AP2A1: variants seen among roughly 807,000 people sequenced by gnomAD.
AP2A1 encodes the protein AP-2 complex subunit alpha-1.
Under a neutral mutation model 107.3 loss-of-function variants are expected in AP2A1, and 21 were observed. That is an observed-to-expected ratio of 0.20 (90% CI 0.14 to 0.28). The LOEUF (loss-of-function observed/expected upper bound fraction) is 0.28. AP2A1 is among the 10% of genes least tolerant of loss of function. The pLI is 1.00. For synonymous variants in AP2A1, 602 were observed against 564.8 expected (o/e 1.07, Z -0.93); for missense variants, 873 against 1,307.7 (o/e 0.67, Z 5.13).
chr19:49,784,357 G>A lies in AP2A1; in HGVS notation c.473+1633G>A, dbSNP rs563783448. 4.6e-5 allele frequency among the ~76,000 whole-genome samples: 7 copies of A among 152,056 alleles called. No individual in the cohort carries two copies. The South Asian group carries it at 1.2e-3, about 27-fold the overall frequency. ...CAGGACAGGAGAATCACTTGAACCC[G>A]GGAGGCAGAGGTTGCAGTGAGCCGA... On this transcript the variant is annotated intron_variant, in intron 4 of 22. Coordinates refer to ENST00000354293, the MANE Select transcript of AP2A1 (RefSeq NM_130787.3).
Position 49,802,932 on chromosome 19 carries a change from C to G in AP2A1, c.2115-17C>G, listed in dbSNP as rs1489529403. ...CCACCAAGTTCCTTCCCATCTCACT[C>G]TGCTCCATGCCTCCAGCCCAGGTCC... On this transcript the variant is annotated splice_polypyrimidine_tract_variant and intron_variant, in intron 15 of 22. Coordinates refer to ENST00000354293, the MANE Select transcript of AP2A1 (RefSeq NM_130787.3). 2 of 1,611,000 alleles carry G rather than the reference C, an allele frequency of 1.2e-6. No homozygotes were observed. Among genetic ancestry groups the G allele is most frequent in the African/African-American group, 2.7e-5 (2 of 74,820 alleles).
intron 18 of AP2A1, chr19:49,805,249 G>A: frequency 1.8e-6 from 1 of 551,468 alleles, no homozygotes; most frequent in Non-Finnish European, 3.1e-6. Context: ...ATTGTGGAAG[G>A]CCAAAGGAGG....
In AP2A1 at chr19:49,800,202, G is replaced by C. The variant is rs140072315; in HGVS notation, c.1455+52G>C. The stretch of plus-strand genomic sequence containing the variant: ...GACCCCACGACAGGACCTAGAGGCA[G>C]AGCAAGGATGGCCGGGGCCGTGGCG... On this transcript the variant is annotated intron_variant, in intron 11 of 22. Transcript: ENST00000354293. 7,880 of 1,544,298 alleles carry C rather than the reference G, an allele frequency of 5.1e-3. 30 individuals are homozygous for C. Among genetic ancestry groups the C allele is most frequent in the Non-Finnish European group, 6.4e-3 (7,310 of 1,136,594 alleles).
At chr19:49,792,419 T>C (rs1600231660) in intron 5 of AP2A1, among the ~76,000 whole-genome samples, 1 of 149,698 alleles carries the variant, frequency 6.7e-6, no homozygotes, top group African/African-American at 2.5e-5. Flanking sequence ...TCAGCCCTGA[T>C]CCCCCTGGAT....
At chr19:49,798,396 A>G (rs7251269) in intron 7 of AP2A1, among the ~76,000 whole-genome samples, 77,891 of 151,914 alleles carry the variant, frequency 0.51, 20,227 homozygotes, top group South Asian at 0.63. Flanking sequence ...GGGGCTGCTC[A>G]GCACTCACAC....
chr19:49,786,613 G>A (rs2084740302), intron 4 of AP2A1, among the ~76,000 whole-genome samples: 1 of 152,224 alleles, frequency 6.6e-6, no homozygotes, highest in Non-Finnish European at 1.5e-5. Flanking sequence ...TGGGAGTCAT[G>A]ATCAGGGGTG....
chr19:49,781,679 G>T, intron 1 of AP2A1, 78 bp from the exon 2 acceptor site: 1 of 1,422,752 alleles, frequency 7.0e-7, no homozygotes, highest in Non-Finnish European at 9.7e-7. Context: ...CTGCTGGGTG[G>T]GGCCGCGCCT....
intron 4 of AP2A1, among the ~76,000 whole-genome samples, chr19:49,790,637 T>G (rs1018218058): frequency 1.3e-5 from 2 of 152,144 alleles, no homozygotes; most frequent in Non-Finnish European, 1.5e-5. Flanking sequence ...TGGGCTCAAG[T>G]GATTCTCCCA....
rs1372261234 is a variant in AP2A1, at chr19:49,805,366, G to A, written c.2345-87G>A. On this transcript the variant is annotated intron_variant, in intron 18 of 22. Coordinates refer to ENST00000354293, the MANE Select transcript of AP2A1 (RefSeq NM_130787.3). ...GGGGTCCCTCAAAGACCTGCAGGCG[G>A]GAGCTGCCGGGAGCTCTGGGGTTCC... 6 of 1,406,910 alleles carry A rather than the reference G, an allele frequency of 4.3e-6. No homozygotes were observed. In the African/African-American group the frequency reaches 7.3e-5, roughly 17 times the overall value. The allele number at this position is 1,406,910 out of a possible 1,614,324, so 87.2% of individuals were successfully genotyped here.
At chr19:49,772,138 A>T (rs993243961) in intron 1 of AP2A1, among the ~76,000 whole-genome samples, 1 of 148,712 alleles carries the variant, frequency 6.7e-6, no homozygotes, top group African/African-American at 2.5e-5. Context: ...GCTCGCTGCA[A>T]CCTCCTCCTC....
At chr19:49,789,398 C>G (rs1600228833) in intron 4 of AP2A1, among the ~76,000 whole-genome samples, 1 of 152,148 alleles carries the variant, frequency 6.6e-6, no homozygotes, top group African/African-American at 2.4e-5. Context: ...TCAAGCGATT[C>G]TCCTGCCCCA....
chr19:49,806,882 G>A lies in AP2A1; in HGVS notation c.*124G>A. 1.9e-6 allele frequency: 3 copies of A among 1,559,222 alleles called. No homozygotes were observed. Among genetic ancestry groups the A allele is most frequent in the Non-Finnish European group, 2.6e-6 (3 of 1,156,812 alleles). On this transcript the variant is annotated 3_prime_UTR_variant, in exon 23 of 23. Coordinates refer to ENST00000354293, the MANE Select transcript of AP2A1 (RefSeq NM_130787.3). Reference sequence around the variant, plus strand: ...ACACCAGGGTTTGGGGGATGCCTGGGACTTTCCTCCGGCCTTTTGTATTTT... The same window carrying A: ...ACACCAGGGTTTGGGGGATGCCTGGAACTTTCCTCCGGCCTTTTGTATTTT...
At chr19:49,776,863 T>G (rs1319225727) in intron 1 of AP2A1, among the ~76,000 whole-genome samples, 5 of 152,196 alleles carry the variant, frequency 3.3e-5, no homozygotes, top group African/African-American at 4.8e-5. Flanking sequence ...CTCTCTGAAT[T>G]CCTTTTTTTA....
At chr19:49,781,649 G>T (rs2084676723) in intron 1 of AP2A1, 108 bp from the exon 2 acceptor site, 3 of 1,153,560 alleles carry the variant, frequency 2.6e-6, no homozygotes, top group African/African-American at 1.5e-5. Context: ...GGGCTTGGGG[G>T]CGGAGAAGAT....
chr19:49,790,442 T>A (rs2073127622), intron 4 of AP2A1, among the ~76,000 whole-genome samples: 1 of 152,206 alleles, frequency 6.6e-6, no homozygotes. Flanking sequence ...CTTTTTTTTG[T>A]TTGGAGACAG....
intron 21 of AP2A1, 74 bp downstream of exon 21, chr19:49,806,015 A>T: frequency 6.2e-7 from 1 of 1,611,852 alleles, no homozygotes; most frequent in Non-Finnish European, 8.5e-7. Context: ...CCATCTGTAA[A>T]GTGGGGCCAA....
At chr19:49,769,595 A>G (rs563864557) in intron 1 of AP2A1, among the ~76,000 whole-genome samples, 2 of 151,598 alleles carry the variant, frequency 1.3e-5, no homozygotes, top group South Asian at 4.2e-4. Flanking sequence ...GTGGGAGTGA[A>G]GGGGAGAGAG....
In AP2A1 at chr19:49,799,464, C is replaced by A; in HGVS notation, c.1103C>A (p.Thr368Lys). The A allele has an allele frequency of 6.2e-7, 1 of 1,611,822 alleles. No homozygotes were observed. Among genetic ancestry groups the A allele is most frequent in the Non-Finnish European group, 8.5e-7 (1 of 1,179,456 alleles). ...GAGTTCTCCCATGAAGCCGTCAAGA[C>A]GCACATTGACACCGTCATCAATGCC... is the stretch of plus-strand genomic sequence containing the variant. The part of the protein sequence containing the change: ...SSEFSHEAVK[T>K]HIDTVINALK... The change falls in exon 9 of 23, where the codon ACG becomes AAG. Residue 368 changes from threonine (T) to lysine (K), a missense_variant. Thr to Lys is a moderately conservative substitution (Grantham distance 78). Transcript: ENST00000354293.
chr19:49,786,559 G>A (rs1429740394), intron 4 of AP2A1, among the ~76,000 whole-genome samples: 1 of 152,226 alleles, frequency 6.6e-6, no homozygotes, highest in Non-Finnish European at 1.5e-5. Flanking sequence ...GGGCCCTTGA[G>A]TGGCCCTGGT....
Sources: gnomAD v4.1 joint callset for allele counts (sites outside exome capture counted in the v4.1 genomes callset) on GRCh38, gnomAD v4.1.1 for gene constraint, MANE v1.5 for transcripts, NCBI Gene and HGNC (gene_info 2026-07-23, HGNC 2026-07-21) for gene names.